The following PHETA1 variants were observed in gnomAD, a reference collection of about 807,000 sequenced individuals.
PHETA1 encodes the protein sesquipedalian-1.
For missense variants in PHETA1, 348 were observed against 373.5 expected, an observed-to-expected ratio of 0.93 and a Z score of 0.56; for synonymous variants, 155 against 168.9, an observed-to-expected ratio of 0.92 and a Z score of 0.64.
At chr12:111,365,554 A>G (rs767312761) in intron 2 of PHETA1, 1 of 455,912 alleles carries the variant, frequency 2.2e-6, no homozygotes. Flanking sequence ...GAAATGTGGT[A>G]CATACACACC....
intron 2 of PHETA1, chr12:111,365,610 G>A: frequency 4.5e-6 from 2 of 448,370 alleles, no homozygotes; most frequent in Non-Finnish European, 8.9e-6. Context: ...CATGTCCTTT[G>A]CGGGGAAATA....
Position 111,363,045 on chromosome 12 carries a change from GCCAGCTGCTGCT to G in PHETA1, c.371_382del (p.Glu124_Leu127del). On this transcript the variant is annotated inframe_deletion, in exon 3 of 3. Transcript: ENST00000683047. This position sits in a 1 kb window ranked among gnomAD's most constrained non-coding sequence, Gnocchi z 7.4. ...CATGCCACCCCCGCCACGTACAGCC[GCCAGCTGCTGCT>G]CCAGCTCGCGCACCACCAGCCGCAG... The G allele has an allele frequency of 1.3e-6, 2 of 1,556,532 alleles. No individual in the cohort carries two copies. Among genetic ancestry groups the G allele is most frequent in the Non-Finnish European group, 1.7e-6 (2 of 1,157,022 alleles).
intron 2 of PHETA1, among the ~76,000 whole-genome samples, chr12:111,364,032 A>G (rs924593158): frequency 1.3e-5 from 2 of 152,186 alleles, no homozygotes; most frequent in African/African-American, 4.8e-5. Context: ...AGCAGAACCA[A>G]CTTTGGAGAG....
Position 111,363,292 on chromosome 12 carries a change from G to A in PHETA1, c.136C>T (p.Leu46Phe). The A allele has an allele frequency of 6.2e-7, 1 of 1,613,166 alleles. No homozygotes were observed. Among genetic ancestry groups the A allele is most frequent in the Non-Finnish European group, 8.5e-7 (1 of 1,179,932 alleles). Residue 46 changes from leucine to phenylalanine, a missense_variant, in exon 3 of 3, where the codon CTC becomes TTC. Transcript: ENST00000683047. The surrounding 1 kb of genome is among the most constrained non-coding windows in gnomAD (Gnocchi z 7.4). ...RRWFVLRGNMLFYFEDAASRE... is the reference protein window; with the variant it reads ...RRWFVLRGNMFFYFEDAASRE... ...CTGGCAGCGTCCTCGAAGTAGAAGA[G>A]CATGTTCCCGCGCAGCACGAACCAG...
rs1868823268 is a variant in PHETA1 at position 111,363,381 on chromosome 12, G to T, written c.47C>A (p.Ala16Asp). The T allele has an allele frequency of 3.7e-6, 6 of 1,612,930 alleles. No individual in the cohort carries two copies. The highest frequency in any genetic ancestry group is 4.2e-6 in the Non-Finnish European group (5 of 1,179,852). ...RSLAFYATCD[A>D]PVDNAGFLYK... is the part of the protein sequence containing the mutation. ...CAGGAAGCCTGCATTGTCCACCGGG[G>T]CGTCACAGGTGGCGTAGAAGGCCAG... Residue 16 changes from alanine (A) to aspartate (D), a missense_variant, in exon 3 of 3, where the codon GCC (alanine) becomes GAC (aspartate). Transcript: ENST00000683047. The surrounding 1 kb of genome is among the most constrained non-coding windows in gnomAD (Gnocchi z 7.4).
Position 111,362,645 on chromosome 12 carries a change from TTG to T in PHETA1, c.*31_*32del, listed in dbSNP as rs985569690. On this transcript the variant is annotated 3_prime_UTR_variant, in exon 3 of 3. Transcript: ENST00000683047. Reference sequence around the variant, plus strand: ...CGGCCTGTCCCAGAGGGCATAGAGCTTGTGTCCCCCTAAAACAGGCGCCCTGG... The same window carrying T: ...CGGCCTGTCCCAGAGGGCATAGAGCTTGTCCCCCTAAAACAGGCGCCCTGG... 2 of 1,548,886 alleles carry T rather than the reference TTG, an allele frequency of 1.3e-6. No individual in the cohort carries two copies. Among genetic ancestry groups the T allele is most frequent in the African/African-American group, 2.7e-5 (2 of 73,046 alleles).
In PHETA1 at chr12:111,368,063, T is replaced by C. The variant is rs962938750; in HGVS notation, c.-182+849A>G. Among the ~76,000 whole-genome samples, 3 of 152,334 alleles carry C rather than the reference T, an allele frequency of 2.0e-5. No individual in the cohort carries two copies. Among genetic ancestry groups the C allele is most frequent in the Non-Finnish European group, 4.4e-5 (3 of 68,024 alleles). On this transcript the variant is annotated intron_variant, in intron 1 of 2. Transcript: ENST00000683047. This position sits in a 1 kb window ranked among gnomAD's most constrained non-coding sequence, Gnocchi z 5.0. ...AGAAGGAAAACCCACTGGCAAACTA[T>C]GGGAAATGGATTGCAAATATTAGCT...
In PHETA1 at chr12:111,363,776, T is replaced by C; in HGVS notation, c.-36-313A>G. 1 of 1,393,376 alleles carries C rather than the reference T, an allele frequency of 7.2e-7. No individual in the cohort carries two copies. The highest frequency in any genetic ancestry group is 9.5e-7 in the Non-Finnish European group (1 of 1,054,886). 86.3% of individuals were successfully genotyped at this position (1,393,376 alleles called of 1,614,324 possible). A position where few individuals can be genotyped will look rare whatever the true frequency, so the allele number is the denominator to read the frequency against. On this transcript the variant is annotated intron_variant, in intron 2 of 2. Transcript: ENST00000683047. This position sits in a 1 kb window ranked among gnomAD's most constrained non-coding sequence, Gnocchi z 7.4. ...AACTCACTTTATCTCACAATAGACC[T>C]TAGGTCACAGGGACTGGCCTGGCAC...
Position 111,361,762 on chromosome 12 carries a change from G to C in PHETA1, c.*916C>G. ...GGTCAGCACCTGGGCCTTCCTAGGC[G>C]GTGAGTCAGCTGGTGGCCTCCCCTC... On this transcript the variant is annotated 3_prime_UTR_variant, in exon 3 of 3. Coordinates refer to ENST00000683047, the MANE Select transcript of PHETA1 (RefSeq NM_144671.6). 1 of 388,762 alleles carries C rather than the reference G, an allele frequency of 2.6e-6. No homozygotes were observed. Among genetic ancestry groups the C allele is most frequent in the South Asian group, 1.9e-5 (1 of 53,130 alleles). The allele number at this position is 388,762 out of a possible 1,614,324, so 24.1% of individuals were successfully genotyped here.
In PHETA1 at chr12:111,362,699, G is replaced by A. The variant is rs945670991; in HGVS notation, c.729C>T (p.Leu243=). The A allele has an allele frequency of 1.5e-5, 23 of 1,548,770 alleles. No homozygotes were observed. Among genetic ancestry groups the A allele is most frequent in the African/African-American group, 2.7e-5 (2 of 73,052 alleles). The part of the protein sequence containing the change: ...QEIRALRGQW[L]SSRVQP Reference sequence around the variant, plus strand: ...GGCCTCAGGGCTGGACCCGGCTGCTGAGCCACTGGCCACGCAGGGCCCGGA... The same window carrying A: ...GGCCTCAGGGCTGGACCCGGCTGCTAAGCCACTGGCCACGCAGGGCCCGGA... Residue 243 remains leucine, a synonymous_variant, in exon 3 of 3, where the codon CTC becomes CTT. Coordinates refer to ENST00000683047, the MANE Select transcript of PHETA1 (RefSeq NM_144671.6).
At position 111,365,008 on chromosome 12, in the gene PHETA1, G is replaced by A. The variant is rs984992191; in HGVS notation, c.-37+1105C>T. On this transcript the variant is annotated intron_variant, in intron 2 of 2. Transcript: ENST00000683047. ...GGAAGGAGGGGCAGGGGGTCGACCC[G>A]TGCCATTTAGCATAGAGGACTCTAA... is the stretch of plus-strand genomic sequence containing the variant. Among the ~76,000 whole-genome samples the A allele has an allele frequency of 4.6e-5, 7 of 152,150 alleles. No homozygotes were observed. The East Asian group carries it at 5.8e-4, about 13-fold the overall frequency.
Position 111,363,870 on chromosome 12 carries a change from G to A in PHETA1, c.-36-407C>T. The stretch of plus-strand genomic sequence containing the variant: ...CTTCCCTGGTGTCACAAAGCAGGTT[G>A]GGCAGGGCTGAAATCCAAACCCAGG... On this transcript the variant is annotated intron_variant, in intron 2 of 2. Coordinates refer to ENST00000683047, the MANE Select transcript of PHETA1 (RefSeq NM_144671.6). The surrounding 1 kb of genome is among the most constrained non-coding windows in gnomAD (Gnocchi z 7.4). 2 of 661,314 alleles carry A rather than the reference G, an allele frequency of 3.0e-6. No homozygotes were observed. The highest frequency in any genetic ancestry group is 1.9e-5 in the African/African-American group (1 of 52,848). 41.0% of individuals were successfully genotyped at this position (661,314 alleles called of 1,614,324 possible).
rs1868608960 is a variant in PHETA1 at position 111,361,666 on chromosome 12, G to A, written c.*1012C>T. 1 of 348,620 alleles carries A rather than the reference G, an allele frequency of 2.9e-6. No homozygotes were observed. Among genetic ancestry groups the A allele is most frequent in the African/African-American group, 2.1e-5 (1 of 46,588 alleles). 21.6% of individuals were successfully genotyped at this position (348,620 alleles called of 1,614,324 possible). Reference sequence around the variant, plus strand: ...GCTGAGCTCAGGAGGGGACATGTTAGAGGGGGCTGCCTGGAGCTGAAGAGG... The same window carrying A: ...GCTGAGCTCAGGAGGGGACATGTTAAAGGGGGCTGCCTGGAGCTGAAGAGG... On this transcript the variant is annotated 3_prime_UTR_variant, in exon 3 of 3. Transcript: ENST00000683047.
rs1593003134 is a variant in PHETA1 at position 111,362,505 on chromosome 12, A to G, written c.*173T>C. On this transcript the variant is annotated 3_prime_UTR_variant, in exon 3 of 3. Coordinates refer to ENST00000683047, the MANE Select transcript of PHETA1 (RefSeq NM_144671.6). ...GTCACATGGTCCTAAAGGCCCACTC[A>G]GAATCCAGCACCTTCTCAGAGCCTG... is the stretch of plus-strand genomic sequence containing the variant. 1 of 1,479,010 alleles carries G rather than the reference A, an allele frequency of 6.8e-7. No individual in the cohort carries two copies. The allele number at this position is 1,479,010 out of a possible 1,614,324, so 91.6% of individuals were successfully genotyped here.
At position 111,367,191 on chromosome 12, in the gene PHETA1, C is replaced by T; in HGVS notation, c.-181-934G>A. Among the ~76,000 whole-genome samples, 1 of 152,124 alleles carries T rather than the reference C, an allele frequency of 6.6e-6. No individual in the cohort carries two copies. Among genetic ancestry groups the T allele is most frequent in the Non-Finnish European group, 1.5e-5 (1 of 68,014 alleles). Reference sequence around the variant, plus strand: ...TGGTCCCGGCTGTCTGCCTGCAGGTCTTCACAAGGCCAGCTCCCCATCCTT... The same window carrying T: ...TGGTCCCGGCTGTCTGCCTGCAGGTTTTCACAAGGCCAGCTCCCCATCCTT... On this transcript the variant is annotated intron_variant, in intron 1 of 2. Coordinates refer to ENST00000683047, the MANE Select transcript of PHETA1 (RefSeq NM_144671.6). This position sits in a 1 kb window ranked among gnomAD's most constrained non-coding sequence, Gnocchi z 4.0.
Position 111,362,619 on chromosome 12 carries a change from C to T in PHETA1, c.*59G>A. The T allele has an allele frequency of 6.5e-7, 1 of 1,546,812 alleles. No homozygotes were observed. Among genetic ancestry groups the T allele is most frequent in the Non-Finnish European group, 8.7e-7 (1 of 1,146,766 alleles). ...TCTGCTCCCCCAGTCTCTCCAGGAC[C>T]CGGCCTGTCCCAGAGGGCATAGAGC... On this transcript the variant is annotated 3_prime_UTR_variant, in exon 3 of 3. Coordinates refer to ENST00000683047, the MANE Select transcript of PHETA1 (RefSeq NM_144671.6).
Position 111,361,823 on chromosome 12 carries a change from T to TGGCTAGAAGGTCACCTCGGGCCTG in PHETA1, c.*854_*855insCAGGCCCGAGGTGACCTTCTAGCC, listed in dbSNP as rs1565945424. On this transcript the variant is annotated 3_prime_UTR_variant, in exon 3 of 3. Transcript: ENST00000683047. ...CCTGCTAGAAGGTCACCTCGGGCCA[T>TGGCTAGAAGGTCACCTCGGGCCTG]GGCTACCCAGCCCAGGAAGGGAGGT... is the stretch of plus-strand genomic sequence containing the variant. The TGGCTAGAAGGTCACCTCGGGCCTG allele has an allele frequency of 4.4e-6, 2 of 452,378 alleles. No homozygotes were observed. The highest frequency in any genetic ancestry group is 8.9e-6 in the Non-Finnish European group (2 of 224,912). The allele number at this position is 452,378 out of a possible 1,614,324, so 28.0% of individuals were successfully genotyped here.
At chr12:111,365,204 C>T (rs73412353) in intron 2 of PHETA1, among the ~76,000 whole-genome samples, 9,302 of 152,290 alleles carry the variant, frequency 0.061, 465 homozygotes, top group South Asian at 0.2. Flanking sequence ...TCTCCCACTG[C>T]AGAGCCTCAG....
rs759244416 is a variant in PHETA1 at position 111,361,868 on chromosome 12, C to T, written c.*810G>A. On this transcript the variant is annotated 3_prime_UTR_variant, in exon 3 of 3. Coordinates refer to ENST00000683047, the MANE Select transcript of PHETA1 (RefSeq NM_144671.6). The stretch of plus-strand genomic sequence containing the variant: ...GGAGGTCAGGCAAGCTCCCAAGGGG[C>T]CCCAGGCCTAGGGGCCAAGACTGAA... The T allele has an allele frequency of 2.2e-6, 1 of 456,064 alleles. No homozygotes were observed. 28.3% of individuals were successfully genotyped at this position (456,064 alleles called of 1,614,324 possible).
Sources: gnomAD v4.1 joint callset for allele counts (sites outside exome capture counted in the v4.1 genomes callset) on GRCh38, gnomAD v4.1.1 for gene constraint, Gnocchi (gnomAD v3.1) non-coding constraint, MANE v1.5 for transcripts, NCBI Gene and HGNC (gene_info 2026-07-23, HGNC 2026-07-21) for gene names.